TTLL5: variants seen among roughly 807,000 people sequenced by gnomAD.
TTLL5 encodes tubulin polyglutamylase TTLL5.
In TTLL5, 132 loss-of-function variants were observed where a neutral mutation model predicts 168.4. That is an observed-to-expected ratio of 0.78 (90% CI 0.68 to 0.91). TTLL5 has a LOEUF of 0.91. TTLL5 is among the 40% of genes least tolerant of loss of function. TTLL5 has a pLI of 0.00. For missense variants in TTLL5, 1,545 were observed against 1,581.5 expected, an observed-to-expected ratio of 0.98 and a Z score of 0.39; for synonymous variants, 546 against 558.6, an observed-to-expected ratio of 0.98 and a Z score of 0.32.
intron 6 of TTLL5, among the ~76,000 whole-genome samples, chr14:75,697,918 A>T (rs1421708931): frequency 6.6e-6 from 1 of 152,180 alleles, no homozygotes; most frequent in Non-Finnish European, 1.5e-5. Flanking sequence ...TCTTTGTGAG[A>T]TCTGCTCAGA....
chr14:75,897,337 C>T (rs1183035900), intron 30 of TTLL5, among the ~76,000 whole-genome samples: 7 of 152,156 alleles, frequency 4.6e-5, no homozygotes, highest in Non-Finnish European at 7.3e-5. Context: ...GAGGAGCATG[C>T]GACTGTTCAT....
rs924428512 is a variant in TTLL5, at chr14:75,902,374, G to C, written c.3823+150G>C. The C allele has an allele frequency of 3.6e-6, 3 of 824,684 alleles. No homozygotes were observed. In the African/African-American group the frequency reaches 5.2e-5, roughly 14 times the overall value. 51.1% of individuals were successfully genotyped at this position (824,684 alleles called of 1,614,324 possible). ...ACATTGGCAAATGGGCATTTTTGTTGCATTCTTCTTTAAAATAGTCTTGGC... is the reference window on the plus strand; with the variant it reads ...ACATTGGCAAATGGGCATTTTTGTTCCATTCTTCTTTAAAATAGTCTTGGC... On this transcript the variant is annotated intron_variant, in intron 31 of 31. Transcript: ENST00000298832.
intron 27 of TTLL5, among the ~76,000 whole-genome samples, chr14:75,798,200 G>A (rs946133945): frequency 9.2e-5 from 14 of 151,714 alleles, no homozygotes; most frequent in African/African-American, 2.2e-4. Context: ...GAATTTATCC[G>A]TCTCCTCTAG....
chr14:75,937,030 T>C (rs1214436545), intron 31 of TTLL5, among the ~76,000 whole-genome samples: 1 of 152,218 alleles, frequency 6.6e-6, no homozygotes, highest in Non-Finnish European at 1.5e-5. Context: ...TATCCATAAT[T>C]ATTTAACATC....
intron 12 of TTLL5, among the ~76,000 whole-genome samples, chr14:75,724,542 C>T (rs1391470927): frequency 6.6e-6 from 1 of 152,062 alleles, no homozygotes; most frequent in African/African-American, 2.4e-5. Context: ...TGGCAAGGAC[C>T]TTAGAGAATA....
intron 30 of TTLL5, among the ~76,000 whole-genome samples, chr14:75,888,810 C>G (rs145104229): frequency 0.013 from 1,963 of 152,030 alleles, 52 homozygotes; most frequent in African/African-American, 0.042. Flanking sequence ...TGGCAGGTGC[C>G]TGTAATCCCA....
chr14:75,739,058 C>T (rs368806191), intron 15 of TTLL5, among the ~76,000 whole-genome samples: 43 of 152,214 alleles, frequency 2.8e-4, no homozygotes, highest in African/African-American at 9.9e-4. Flanking sequence ...CTGCCTGCCT[C>T]GGCCCTCCCA....
rs371072385 is a variant in TTLL5, at chr14:75,902,107, G to A, written c.3741-35G>A. The A allele has an allele frequency of 3.7e-5, 59 of 1,606,644 alleles. No homozygotes were observed. In the African/African-American group the frequency reaches 5.0e-4, roughly 13 times the overall value. ...GTCCTGCACCTGACCTCACCTTTCCGCCTGCAGGTCTGACCAAGCTCCTTT... is the reference window on the plus strand; with the variant it reads ...GTCCTGCACCTGACCTCACCTTTCCACCTGCAGGTCTGACCAAGCTCCTTT... On this transcript the variant is annotated intron_variant, in intron 30 of 31. Transcript: ENST00000298832.
intron 28 of TTLL5, among the ~76,000 whole-genome samples, chr14:75,843,471 A>G (rs1347175444): frequency 6.6e-6 from 1 of 152,222 alleles, no homozygotes; most frequent in Admixed American, 6.5e-5. Context: ...ATCTAGATTT[A>G]AACTTTGTTG....
intron 29 of TTLL5, among the ~76,000 whole-genome samples, chr14:75,877,966 C>G (rs1297379988): frequency 2.0e-5 from 3 of 152,204 alleles, no homozygotes; most frequent in Non-Finnish European, 4.4e-5. Flanking sequence ...CCCACTTAGC[C>G]TTGGCTTTGG....
At chr14:75,862,704 G>T (rs2030118426) in intron 28 of TTLL5, among the ~76,000 whole-genome samples, 1 of 152,122 alleles carries the variant, frequency 6.6e-6, no homozygotes, top group African/African-American at 2.4e-5. Context: ...ACTTTGGGAG[G>T]CTGAGGTGGG....
At chr14:75,952,074 G>A (rs116400414) in intron 31 of TTLL5, among the ~76,000 whole-genome samples, 6 of 152,190 alleles carry the variant, frequency 3.9e-5, no homozygotes, top group Non-Finnish European at 5.9e-5. Context: ...CATACAGAGC[G>A]CTTACAATTC....
In TTLL5 at chr14:75,945,799, T is replaced by C. The variant is rs529409881; in HGVS notation, c.3824-8625T>C. Among the ~76,000 whole-genome samples, 60 of 152,216 alleles carry C rather than the reference T, an allele frequency of 3.9e-4. No individual in the cohort carries two copies. In the South Asian group the frequency reaches 0.01, roughly 26 times the overall value. On this transcript the variant is annotated intron_variant, in intron 31 of 31. Coordinates refer to ENST00000298832, the MANE Select transcript of TTLL5 (RefSeq NM_015072.5). ...CAGTGAATCACAAGAAATCCACACC[T>C]AGACACATCATACTTTAGAGCACTA...
chr14:75,921,233 G>A (rs2033815104), intron 31 of TTLL5, among the ~76,000 whole-genome samples: 1 of 152,144 alleles, frequency 6.6e-6, no homozygotes. Context: ...AGTTTAATTA[G>A]ATCCCATTTG....
chr14:75,705,334 AT>A (rs1886574964), intron 7 of TTLL5, among the ~76,000 whole-genome samples: 1 of 152,242 alleles, frequency 6.6e-6, no homozygotes, highest in South Asian at 2.1e-4. Context: ...GTTGTGTATA[AT>A]GTTATAGGTC....
intron 31 of TTLL5, among the ~76,000 whole-genome samples, chr14:75,908,739 G>A (rs1332337513): frequency 6.6e-6 from 1 of 151,984 alleles, no homozygotes; most frequent in Non-Finnish European, 1.5e-5. Flanking sequence ...GTTCATCAGA[G>A]GGCTAATTAT....
At chr14:75,941,147 A>G (rs997250753) in intron 31 of TTLL5, among the ~76,000 whole-genome samples, 1 of 152,248 alleles carries the variant, frequency 6.6e-6, no homozygotes, top group Non-Finnish European at 1.5e-5. Context: ...AGCGGCTCCC[A>G]TGTCCCATGT....
intron 15 of TTLL5, among the ~76,000 whole-genome samples, chr14:75,741,976 G>A (rs1277571701): frequency 6.6e-6 from 1 of 152,032 alleles, no homozygotes; most frequent in Non-Finnish European, 1.5e-5. Context: ...ATTTCTAGAA[G>A]CCAGGAATAT....
chr14:75,809,694 C>T (rs1893879249), intron 27 of TTLL5, among the ~76,000 whole-genome samples: 1 of 152,138 alleles, frequency 6.6e-6, no homozygotes, highest in South Asian at 2.1e-4. Context: ...TATTTTTGTA[C>T]TCATGAATCA....
Sources: gnomAD v4.1 joint callset for allele counts (sites outside exome capture counted in the v4.1 genomes callset) on GRCh38, gnomAD v4.1.1 for gene constraint, MANE v1.5 for transcripts, NCBI Gene and HGNC (gene_info 2026-07-23, HGNC 2026-07-21) for gene names.